Variants in RBBP8 observed in about 807,000 individuals in gnomAD.
RBBP8 encodes RB binding protein 8, endonuclease, also known as DNA endonuclease RBBP8.
Under a neutral mutation model 108.3 loss-of-function variants are expected in RBBP8, and 88 were observed. The ratio of observed to expected loss-of-function variants is 0.81; its 90% CI spans 0.68 to 0.97. The LOEUF (loss-of-function observed/expected upper bound fraction) is 0.97. Among genes scored for constraint, RBBP8 ranks in the 50% least tolerant of loss-of-function variants. The pLI, the probability that RBBP8 is intolerant of heterozygous loss-of-function variation, is 0.00. For missense variants in RBBP8, 1,023 were observed against 1,049.0 expected (o/e 0.98, Z 0.34); for synonymous variants, 332 against 348.2 (o/e 0.95, Z 0.52).
chr18:23,007,414 CTT>C (rs1295210377), intron 16 of RBBP8, among the ~76,000 whole-genome samples: 1 of 151,756 alleles, frequency 6.6e-6, no homozygotes, highest in African/African-American at 2.4e-5. Flanking sequence ...TAGTATAAGA[CTT>C]TAGGTAGGCC....
chr18:22,975,876 A>G (rs1050760433), intron 6 of RBBP8, among the ~76,000 whole-genome samples: 3 of 152,014 alleles, frequency 2.0e-5, no homozygotes. Context: ...TCTTTCCATT[A>G]TCCAACACTG....
chr18:22,996,512 T>C, intron 13 of RBBP8, 50 bp downstream of exon 13: 8 of 1,600,278 alleles, frequency 5.0e-6, no homozygotes, highest in Non-Finnish European at 6.8e-6. Context: ...TTCCAATGAG[T>C]TGTTAGTCAA....
chr18:22,933,068 A>G (rs944091687), upstream of RBBP8, among the ~76,000 whole-genome samples: 17 of 152,238 alleles, frequency 1.1e-4, no homozygotes, highest in African/African-American at 3.9e-4. Flanking sequence ...GACACAGTGT[A>G]CAGATAACTT....
intron 3 of RBBP8, among the ~76,000 whole-genome samples, chr18:22,922,774 T>C (rs1218021541): frequency 6.6e-6 from 1 of 152,208 alleles, no homozygotes; most frequent in Non-Finnish European, 1.5e-5. Context: ...CAATAAATAA[T>C]TTCTTATAAC....
chr18:22,920,622 T>G (rs1232181216), intron 3 of RBBP8: 2 of 152,226 alleles, frequency 1.3e-5, no homozygotes, highest in African/African-American at 4.8e-5. Context: ...TTAAATCTAA[T>G]GAATTTCTCA....
chr18:22,946,609 A>G, intron 3 of RBBP8, 123 bp downstream of exon 3: 1 of 1,423,714 alleles, frequency 7.0e-7, no homozygotes, highest in East Asian at 2.5e-5. Flanking sequence ...TATTTATAAA[A>G]AAAATTAGCC....
chr18:22,933,247 A>G (rs916839293), upstream of RBBP8: 1 of 152,182 alleles, frequency 6.6e-6, no homozygotes. Flanking sequence ...CGCACCGAAG[A>G]GCCCGCTCCT....
intron 4 of RBBP8, among the ~76,000 whole-genome samples, chr18:22,951,760 G>A (rs540602661): frequency 2.6e-4 from 40 of 152,200 alleles, no homozygotes; most frequent in African/African-American, 9.4e-4. Context: ...CCCCCTCCTC[G>A]GGTTATATTT....
At chr18:22,931,101 TAATTA>T (rs1910006812), upstream of RBBP8, among the ~76,000 whole-genome samples, 1 of 152,134 alleles carries the variant, frequency 6.6e-6, no homozygotes, top group Admixed American at 6.6e-5. Context: ...GAGACAGAAT[TAATTA>T]AATAACTAAA....
At chr18:22,965,683 G>T (rs1389933043) in intron 4 of RBBP8, among the ~76,000 whole-genome samples, 2 of 152,168 alleles carry the variant, frequency 1.3e-5, no homozygotes, top group Non-Finnish European at 2.9e-5. Flanking sequence ...GGATGTCAAA[G>T]GGGTAATCAC....
intron 14 of RBBP8, among the ~76,000 whole-genome samples, chr18:22,998,996 T>C (rs1291432393): frequency 6.6e-6 from 1 of 152,234 alleles, no homozygotes; most frequent in Non-Finnish European, 1.5e-5. Context: ...TAGCCTCTGA[T>C]CATGTTTTTC....
chr18:22,933,419 A>G lies in RBBP8; in HGVS notation c.-244A>G, dbSNP rs952848411. 3.3e-5 allele frequency: 5 copies of G among 153,174 alleles called. No individual in the cohort carries two copies. The highest frequency in any genetic ancestry group is 1.2e-4 in the African/African-American group (5 of 41,188). 9.5% of individuals were successfully genotyped at this position (153,174 alleles called of 1,614,324 possible). A position where few individuals can be genotyped will look rare whatever the true frequency, so the allele number is the denominator to read the frequency against. On this transcript the variant is annotated 5_prime_UTR_variant, in exon 1 of 19. Transcript: ENST00000327155. ...CGGCCTTAAAGCGCGGGCTGTCCGG[A>G]GGGGTCGGCTTTCCCACCGAGGATT...
chr18:22,989,040 C>T (rs986492180), intron 8 of RBBP8, among the ~76,000 whole-genome samples, 181 bp from the exon 9 acceptor site: 1 of 152,126 alleles, frequency 6.6e-6, no homozygotes, highest in African/African-American at 2.4e-5. Flanking sequence ...AGACCTGCAA[C>T]TTATTGCCAT....
At chr18:22,974,358 A>G (rs1191801164) in intron 5 of RBBP8, among the ~76,000 whole-genome samples, 1 of 152,246 alleles carries the variant, frequency 6.6e-6, no homozygotes, top group Non-Finnish European at 1.5e-5. Flanking sequence ...AGTTACTGAT[A>G]ACCATAATTA....
intron 13 of RBBP8, among the ~76,000 whole-genome samples, chr18:22,997,284 A>T (rs576924414): frequency 5.9e-5 from 9 of 152,214 alleles, no homozygotes; most frequent in Admixed American, 1.3e-4. Context: ...TAATTTTTGA[A>T]AGTGTTCTTA....
At chr18:23,006,167 C>T (rs752710155) in intron 15 of RBBP8, among the ~76,000 whole-genome samples, 196 bp from the exon 16 acceptor site, 28 of 148,336 alleles carry the variant, frequency 1.9e-4, no homozygotes, top group Non-Finnish European at 3.4e-4. Flanking sequence ...GCCTAAGCAA[C>T]AGAGCAAGAC....
upstream of RBBP8, among the ~76,000 whole-genome samples, chr18:22,932,397 G>T (rs2305885): frequency 0.026 from 3,980 of 152,240 alleles, 77 homozygotes; most frequent in South Asian, 0.066. Flanking sequence ...ATAAAATGGG[G>T]AAGTGAATGA....
At chr18:23,004,154 A>G (rs1329479650) in intron 15 of RBBP8, among the ~76,000 whole-genome samples, 1 of 151,650 alleles carries the variant, frequency 6.6e-6, no homozygotes, top group Non-Finnish European at 1.5e-5. Flanking sequence ...GGAAATCAGT[A>G]TGTTAAAGAG....
intron 7 of RBBP8, among the ~76,000 whole-genome samples, chr18:22,983,397 T>C (rs1364583649): frequency 6.6e-6 from 1 of 152,220 alleles, no homozygotes; most frequent in African/African-American, 2.4e-5. Flanking sequence ...AGCGTTTGTA[T>C]CACCATCTAG....
Sources: gnomAD v4.1 joint callset for allele counts (sites outside exome capture counted in the v4.1 genomes callset) on GRCh38, gnomAD v4.1.1 for gene constraint, MANE v1.5 for transcripts, NCBI Gene and HGNC (gene_info 2026-07-23, HGNC 2026-07-21) for gene names.